Variants in RFX3 observed in about 807,000 individuals in gnomAD.
RFX3 encodes the protein transcription factor RFX3.
Under a neutral mutation model 98.6 loss-of-function variants are expected in RFX3, and 14 were observed. The ratio of observed to expected loss-of-function variants is 0.14; its 90% CI spans 0.09 to 0.22. The LOEUF is 0.22. Among genes scored for constraint, RFX3 ranks in the 10% least tolerant of loss-of-function variants. The probability of loss-of-function intolerance (pLI) is 1.00; values close to 1 mark genes in which losing one functional copy is unlikely to be tolerated. For synonymous variants in RFX3, 383 were observed against 328.4 expected, an observed-to-expected ratio of 1.17 and a Z score of -1.80; for missense variants, 639 against 926.9, an observed-to-expected ratio of 0.69 and a Z score of 4.03.
intron 11 of RFX3, among the ~76,000 whole-genome samples, chr9:3,269,526 T>C (rs781122809): frequency 1.3e-5 from 2 of 152,176 alleles, no homozygotes; most frequent in Non-Finnish European, 2.9e-5. Context: ...TTAAGGTCAC[T>C]ACTGTGTACT....
At chr9:3,291,384 A>C (rs1032458397) in intron 6 of RFX3, among the ~76,000 whole-genome samples, 1 of 120,720 alleles carries the variant, frequency 8.3e-6, no homozygotes, top group African/African-American at 3.2e-5. Context: ...AAAACAAAAC[A>C]AAAACAAAAA....
At chr9:3,318,769 T>G (rs1486432873) in intron 4 of RFX3, among the ~76,000 whole-genome samples, 2 of 152,176 alleles carry the variant, frequency 1.3e-5, no homozygotes, top group Admixed American at 1.3e-4. Flanking sequence ...TGTACCAAAG[T>G]TGTAACCTGA....
chr9:3,316,857 C>T (rs184775402), intron 4 of RFX3, among the ~76,000 whole-genome samples: 30 of 152,036 alleles, frequency 2.0e-4, no homozygotes, highest in Admixed American at 1.6e-3. Flanking sequence ...TACTGCTCAA[C>T]GAAATAAAAG....
chr9:3,255,124 A>G (rs897616416), intron 14 of RFX3, among the ~76,000 whole-genome samples: 2 of 152,258 alleles, frequency 1.3e-5, no homozygotes, highest in Admixed American at 1.3e-4. Flanking sequence ...CTTATGAAAC[A>G]TATAATGTGG....
At position 3,420,686 on chromosome 9, in the gene RFX3, A is replaced by G. The variant is rs533497094; in HGVS notation, c.-8-25090T>C. The G allele has an allele frequency of 5.0e-6, 3 of 605,668 alleles. No homozygotes were observed. The East Asian group carries it at 4.2e-4, about 85-fold the overall frequency. The allele number at this position is 605,668 out of a possible 1,614,324, so 37.5% of individuals were successfully genotyped here. On this transcript the variant is annotated intron_variant, in intron 1 of 16. Coordinates refer to ENST00000617270, the MANE Select transcript of RFX3 (RefSeq NM_001282116.2). ...TAAAAGAAGAGGAGTAAATTTTAAG[A>G]GGCAGGTTCCACAGCAAAGTCAGGA...
intron 1 of RFX3, chr9:3,490,202 C>T: frequency 2.5e-6 from 1 of 404,530 alleles, no homozygotes; most frequent in Non-Finnish European, 3.3e-6. Context: ...ACATGAGACT[C>T]CATATATGAC....
At chr9:3,350,550 A>C (rs12351592) in intron 2 of RFX3, among the ~76,000 whole-genome samples, 2 of 152,060 alleles carry the variant, frequency 1.3e-5, no homozygotes, top group Non-Finnish European at 2.9e-5. Flanking sequence ...TGATCCAGTA[A>C]TCATGTTCCC....
intron 3 of RFX3, among the ~76,000 whole-genome samples, chr9:3,337,487 G>A (rs1337481368): frequency 6.6e-6 from 1 of 152,178 alleles, no homozygotes; most frequent in Non-Finnish European, 1.5e-5. Context: ...CAAATAACCA[G>A]GTGGACTTGC....
chr9:3,260,764 C>A (rs933137994), intron 13 of RFX3, among the ~76,000 whole-genome samples: 2 of 151,034 alleles, frequency 1.3e-5, no homozygotes, highest in African/African-American at 4.9e-5. Flanking sequence ...AAACTTTGTT[C>A]TTGTAAAGAT....
At position 3,285,304 on chromosome 9, in the gene RFX3, A is replaced by G. The variant is rs934300144; in HGVS notation, c.851+2827T>C. Among the ~76,000 whole-genome samples, 4 of 151,848 alleles carry G rather than the reference A, an allele frequency of 2.6e-5. No homozygotes were observed. The South Asian group carries it at 6.2e-4, about 24-fold the overall frequency. On this transcript the variant is annotated intron_variant, in intron 7 of 16. Transcript: ENST00000617270. ...CATGTCATTTGTATTTTTACAAGAG[A>G]CTGGCAGTCTCTTTATATAATTTTT... is the stretch of plus-strand genomic sequence containing the variant.
In RFX3 at chr9:3,331,718, C is replaced by G. The variant is rs575805878; in HGVS notation, c.216-1201G>C. Among the ~76,000 whole-genome samples the G allele has an allele frequency of 3.5e-4, 53 of 152,182 alleles. No homozygotes were observed. The South Asian group carries it at 8.9e-3, about 26-fold the overall frequency. On this transcript the variant is annotated intron_variant, in intron 3 of 16. Transcript: ENST00000617270. The stretch of plus-strand genomic sequence containing the variant: ...TAGCACATCAAATATTAATATTTTT[C>G]TGAGTTTTCCATTTTGAGCTCTTAT...
At chr9:3,365,478 T>C (rs1186023399) in intron 2 of RFX3, among the ~76,000 whole-genome samples, 1 of 152,134 alleles carries the variant, frequency 6.6e-6, no homozygotes, top group Non-Finnish European at 1.5e-5. Flanking sequence ...ATTTCATGCA[T>C]GAATTAAAAC....
intron 4 of RFX3, among the ~76,000 whole-genome samples, chr9:3,324,376 T>G (rs1831650387): frequency 6.6e-6 from 1 of 152,142 alleles, no homozygotes; most frequent in African/African-American, 2.4e-5. Flanking sequence ...TATATTGCTT[T>G]TCTGTCTCGA....
intron 2 of RFX3, among the ~76,000 whole-genome samples, chr9:3,350,988 A>T (rs1835041578): frequency 6.6e-6 from 1 of 152,088 alleles, no homozygotes; most frequent in Non-Finnish European, 1.5e-5. Flanking sequence ...GAACAGTGAA[A>T]CTACTCTGCA....
chr9:3,262,151 G>A (rs1034267353), intron 13 of RFX3, among the ~76,000 whole-genome samples: 1 of 151,866 alleles, frequency 6.6e-6, no homozygotes, highest in Admixed American at 6.6e-5. Context: ...TTTTGATTAC[G>A]TACAGTTTAT....
intron 1 of RFX3, among the ~76,000 whole-genome samples, chr9:3,412,271 T>C (rs940509482): frequency 6.6e-6 from 1 of 152,230 alleles, no homozygotes; most frequent in African/African-American, 2.4e-5. Flanking sequence ...ACTCTAAGGT[T>C]GGACAGGCCA....
intron 1 of RFX3, among the ~76,000 whole-genome samples, chr9:3,408,289 G>C (rs971271542): frequency 6.6e-6 from 1 of 152,134 alleles, no homozygotes; most frequent in South Asian, 2.1e-4. Context: ...ATAGGCCAAA[G>C]ACACTGTTCA....
At chr9:3,484,717 G>C (rs571870475) in intron 1 of RFX3, among the ~76,000 whole-genome samples, 1 of 152,228 alleles carries the variant, frequency 6.6e-6, no homozygotes, top group East Asian at 1.9e-4. Context: ...ACCAAAACTG[G>C]TTTCTCCCTA....
At chr9:3,510,240 T>G (rs1817537938) in intron 1 of RFX3, among the ~76,000 whole-genome samples, 2 of 151,796 alleles carry the variant, frequency 1.3e-5, no homozygotes, top group South Asian at 4.1e-4. Context: ...AAGATACTCA[T>G]CACAGGGGAT....
Sources: allele counts gnomAD v4.1 joint callset (sites outside exome capture counted in the v4.1 genomes callset), GRCh38; gene constraint gnomAD v4.1.1; transcripts MANE v1.5; gene names NCBI Gene and HGNC (gene_info 2026-07-23, HGNC 2026-07-21).